Variants in TM6SF2 observed in about 807,000 individuals in gnomAD.
TM6SF2 encodes transmembrane 6 superfamily member 2.
In TM6SF2, 29 loss-of-function variants were observed where a neutral mutation model predicts 41.0. The observed-to-expected ratio is 0.71, with a 90% confidence interval of 0.53 to 0.96. The LOEUF (loss-of-function observed/expected upper bound fraction) is 0.96. Among genes scored for constraint, TM6SF2 ranks in the 50% least tolerant of loss-of-function variants. TM6SF2 has a pLI of 0.00. For missense variants in TM6SF2, 475 were observed against 499.0 expected (o/e 0.95, Z 0.46); for synonymous variants, 200 against 209.1 (o/e 0.96, Z 0.37).
Position 19,270,161 on chromosome 19 carries a change from T to TG in TM6SF2, c.401+11dup. 6.2e-7 allele frequency: 1 copy of TG among 1,613,694 alleles called. No individual in the cohort carries two copies. The highest frequency in any genetic ancestry group is 1.1e-5 in the South Asian group (1 of 90,954). On this transcript the variant is annotated intron_variant, in intron 4 of 9. Transcript: ENST00000389363. ...CCAGGGTCAGGGGCCACCCTCTCCC[T>TG]GCCTCCTGCACCTTCTGCAGATGGC...
At chr19:19,270,131 C>G (rs2061017716) in intron 4 of TM6SF2, 42 bp downstream of exon 4, 2 of 1,611,662 alleles carry the variant, frequency 1.2e-6, no homozygotes, top group African/African-American at 2.7e-5. Context: ...GATGCAACTT[C>G]TCTCCCAGGG....
intron 3 of TM6SF2, 31 bp downstream of exon 3, chr19:19,270,314 G>A: frequency 3.1e-6 from 5 of 1,614,158 alleles, no homozygotes; most frequent in Non-Finnish European, 4.2e-6. Flanking sequence ...GGGCAGTGCG[G>A]TAGGGGGCTC....
At chr19:19,265,038 GT>G (rs550015865) in intron 9 of TM6SF2, among the ~76,000 whole-genome samples, 165 bp from the exon 10 acceptor site, 3,765 of 121,038 alleles carry the variant, frequency 0.031, 55 homozygotes, top group African/African-American at 0.098. Context: ...CCATCTATCT[GT>G]TTTTTTTTTT....
At chr19:19,273,061 T>TTCCCCCCCCCCCCCCCCCCCCC in intron 1 of TM6SF2, 60 bp downstream of exon 1, 1 of 305,470 alleles carries the variant, frequency 3.3e-6, no homozygotes, top group Admixed American at 5.9e-5. Flanking sequence ...CCTCCAGTCC[T>TTCCCCCCCCCCCCCCCCCCCCC]CCCCGCCCCC....
chr19:19,268,506 C>A, intron 6 of TM6SF2, 124 bp downstream of exon 6: 1 of 1,389,746 alleles, frequency 7.2e-7, no homozygotes, highest in Non-Finnish European at 9.5e-7. Flanking sequence ...CCGCACCCAG[C>A]CCTCCCTTCT....
chr19:19,264,673 C>T lies in TM6SF2; in HGVS notation c.1125G>A (p.Lys375=). Residue 375 remains lysine, a synonymous_variant, in exon 10 of 10, where the codon AAG becomes AAA. Transcript: ENST00000389363. ...TGAGTCCACAGCTCTCTCAATGCTG[C>T]TTCTTGTGGAGGGCTAGGGGGTCGG... The part of the protein sequence containing the change: ...PPSDPLALHK[K]QH 2 of 1,512,528 alleles carry T rather than the reference C, an allele frequency of 1.3e-6. No homozygotes were observed. The highest frequency in any genetic ancestry group is 2.5e-5 in the East Asian group (1 of 39,818). The allele number at this position is 1,512,528 out of a possible 1,614,324, so 93.7% of individuals were successfully genotyped here.
chr19:19,269,009 T>A (rs1162558724), intron 5 of TM6SF2, among the ~76,000 whole-genome samples: 1 of 152,108 alleles, frequency 6.6e-6, no homozygotes, highest in Non-Finnish European at 1.5e-5. Flanking sequence ...CCCAGGCTGA[T>A]CTTGATCTCC....
rs770149338 is a variant in TM6SF2 at position 19,270,334 on chromosome 19, C to A, written c.297+11G>T. ...GTGCGGTAGGGGGCTCCCTGGTCGT[C>A]CCCCAAGTACCTCCTTGGTGTAGAA... is the stretch of plus-strand genomic sequence containing the variant. On this transcript the variant is annotated intron_variant, in intron 3 of 9. Coordinates refer to ENST00000389363, the MANE Select transcript of TM6SF2 (RefSeq NM_001001524.3). 15 of 1,613,986 alleles carry A rather than the reference C, an allele frequency of 9.3e-6. No individual in the cohort carries two copies. The highest frequency in any genetic ancestry group is 1.6e-4 in the Middle Eastern group (1 of 6,062).
chr19:19,273,061 T>TTGCCCCCCCCCCCCCCCCC, intron 1 of TM6SF2, 60 bp downstream of exon 1: 1 of 305,470 alleles, frequency 3.3e-6, no homozygotes. Context: ...CCTCCAGTCC[T>TTGCCCCCCCCCCCCCCCCC]CCCCGCCCCC....
rs749156356 is a variant in TM6SF2 at position 19,266,515 on chromosome 19, A to G, written c.899T>C (p.Leu300Ser). ...CTGGCCGATGCCTCCAGCAAACACCAAGGCCCAGTCTGGAAGCCAGGAGCA... is the reference window on the plus strand; with the variant it reads ...CTGGCCGATGCCTCCAGCAAACACCGAGGCCCAGTCTGGAAGCCAGGAGCA... ...PGCSWLPDWA[L>S]VFAGGIGQAQ... Residue 300 changes from leucine (L) to serine (S), a missense_variant, in exon 9 of 10, where the codon TTG becomes TCG. Physicochemically the swap from Leu to Ser is moderately radical, Grantham distance 145. Around this residue, in one of 3 missense-constraint regions of TM6SF2, gnomAD observed 190 missense variants for 190.2 expected, o/e 1.00. Coordinates refer to ENST00000389363, the MANE Select transcript of TM6SF2 (RefSeq NM_001001524.3). The G allele has an allele frequency of 1.5e-5, 25 of 1,613,920 alleles. No homozygotes were observed. Among genetic ancestry groups the G allele is most frequent in the Non-Finnish European group, 1.9e-5 (22 of 1,179,910 alleles).
chr19:19,273,061 T>TGGCCCCCCCCC lies in TM6SF2; in HGVS notation c.95+59_95+60insGGGGGGGGGCC. 8.8e-5 allele frequency: 27 copies of TGGCCCCCCCCC among 305,452 alleles called. 1 individual carries two copies. Among genetic ancestry groups the TGGCCCCCCCCC allele is most frequent in the Middle Eastern group, 2.2e-3 (2 of 922 alleles). 18.9% of individuals were successfully genotyped at this position (305,452 alleles called of 1,614,324 possible). ...CCTCCCTCCAGCCCACCTCCAGTCC[T>TGGCCCCCCCCC]CCCCGCCCCCGCCCGCCCCCACTGT... On this transcript the variant is annotated intron_variant, in intron 1 of 9. Coordinates refer to ENST00000389363, the MANE Select transcript of TM6SF2 (RefSeq NM_001001524.3).
Position 19,269,943 on chromosome 19 carries a change from A to G in TM6SF2, c.402-174T>C. On this transcript the variant is annotated intron_variant, in intron 4 of 9. Transcript: ENST00000389363. ...GAAATAACAGTGAGACCCTCTGTCC[A>G]AGAACAGAAGTGGCTGCCCAGGCAC... The G allele has an allele frequency of 3.4e-6, 5 of 1,489,774 alleles. No homozygotes were observed. In the South Asian group the frequency reaches 5.4e-5, roughly 16 times the overall value. 92.3% of individuals were successfully genotyped at this position (1,489,774 alleles called of 1,614,324 possible). A position where few individuals can be genotyped will look rare whatever the true frequency, so the allele number is the denominator to read the frequency against.
chr19:19,273,061 T>TGCCCCCCCCCCC, intron 1 of TM6SF2, 60 bp downstream of exon 1: 2 of 305,466 alleles, frequency 6.5e-6, no homozygotes, highest in Non-Finnish European at 6.1e-6. Context: ...CCTCCAGTCC[T>TGCCCCCCCCCCC]CCCCGCCCCC....
chr19:19,267,611 C>A lies in TM6SF2; in HGVS notation c.804+10G>T. Reference sequence around the variant, plus strand: ...GCAGGGGTGTGGTCTTCTCCCCGCTCCCCTCTCACCTGCACCTTAGGGTAG... The same window carrying A: ...GCAGGGGTGTGGTCTTCTCCCCGCTACCCTCTCACCTGCACCTTAGGGTAG... On this transcript the variant is annotated intron_variant, in intron 8 of 9. Coordinates refer to ENST00000389363, the MANE Select transcript of TM6SF2 (RefSeq NM_001001524.3). 1 of 1,609,536 alleles carries A rather than the reference C, an allele frequency of 6.2e-7. No individual in the cohort carries two copies. The highest frequency in any genetic ancestry group is 8.5e-7 in the Non-Finnish European group (1 of 1,177,328).
Position 19,264,759 on chromosome 19 carries a change from G to T in TM6SF2, c.1039C>A (p.Pro347Thr). ...FVCNLLYALG[P>T]HLLAYRCLQW... is the part of the protein sequence containing the mutation. ...AGGCAACGGTAGGCCAGCAGGTGGG[G>T]GCCCAGCGCATACAGCAGATTGCAC... Residue 347 changes from proline to threonine, a missense_variant, in exon 10 of 10, where the codon CCC becomes ACC. By Grantham distance (38) the Pro-to-Thr change is conservative (BLOSUM62 -1). Coordinates refer to ENST00000389363, the MANE Select transcript of TM6SF2 (RefSeq NM_001001524.3). 1.9e-6 allele frequency: 3 copies of T among 1,608,910 alleles called. No homozygotes were observed. Among genetic ancestry groups the T allele is most frequent in the Non-Finnish European group, 1.7e-6 (2 of 1,177,804 alleles).
chr19:19,272,935 C>T lies in TM6SF2; in HGVS notation c.95+186G>A, dbSNP rs2146581290. Among the ~76,000 whole-genome samples, 2 of 152,234 alleles carry T rather than the reference C, an allele frequency of 1.3e-5. 1 individual carries two copies. Among genetic ancestry groups the T allele is most frequent in the South Asian group, 4.1e-4 (2 of 4,830 alleles). ...CTCCAGCCCGGCGGGAAGGGGACTT[C>T]CGGTTAGAGGGGGGTGTTCTTCTGG... is the stretch of plus-strand genomic sequence containing the variant. On this transcript the variant is annotated intron_variant, in intron 1 of 9. Transcript: ENST00000389363.
intron 5 of TM6SF2, 69 bp from the exon 6 acceptor site, chr19:19,268,823 T>C: frequency 6.7e-7 from 1 of 1,500,514 alleles, no homozygotes; most frequent in Non-Finnish European, 8.8e-7. Context: ...TGTTTGTTTG[T>C]TCTGAGACAG....
Position 19,267,621 on chromosome 19 carries a change from C to T in TM6SF2, c.804G>A (p.Gln268=). The T allele has an allele frequency of 6.2e-7, 1 of 1,612,802 alleles. No individual in the cohort carries two copies. The highest frequency in any genetic ancestry group is 8.5e-7 in the Non-Finnish European group (1 of 1,179,390). Residue 268 remains glutamine, a splice_region_variant and synonymous_variant, in exon 8 of 10, where the codon CAG becomes CAA. Transcript: ENST00000389363. ...GGTCTTCTCCCCGCTCCCCTCTCAC[C>T]TGCACCTTAGGGTAGGCCACAGGGT... The part of the protein sequence containing the change: ...LRDPVAYPKV[Q]MLMYMFYVLP...
chr19:19,271,200 A>T (rs2061022943), intron 1 of TM6SF2, 75 bp from the exon 2 acceptor site: 1 of 1,195,234 alleles, frequency 8.4e-7, no homozygotes, highest in Admixed American at 1.7e-5. Context: ...TGGTGGGGGA[A>T]GGGGCAGACT....
Sources: allele counts gnomAD v4.1 joint callset (sites outside exome capture counted in the v4.1 genomes callset), GRCh38; gene constraint gnomAD v4.1.1; regional missense constraint gnomAD v4.1.1; transcripts MANE v1.5; gene names NCBI Gene and HGNC (gene_info 2026-07-23, HGNC 2026-07-21).